URB2: variants seen among roughly 807,000 people sequenced by gnomAD.
URB2 encodes URB2 ribosome biogenesis homolog.
In URB2, 86 loss-of-function variants were observed where a neutral mutation model predicts 120.9. The observed-to-expected ratio is 0.71, with a 90% confidence interval of 0.60 to 0.85. The LOEUF (loss-of-function observed/expected upper bound fraction) is 0.85, where lower values mean the gene tolerates loss of function less well. Among genes scored for constraint, URB2 ranks in the 40% least tolerant of loss-of-function variants. The probability of loss-of-function intolerance (pLI) is 0.00; values close to 1 mark genes in which losing one functional copy is unlikely to be tolerated. For synonymous variants in URB2, 755 were observed against 758.4 expected (o/e 1.00, Z 0.07); for missense variants, 1,765 against 1,836.5 (o/e 0.96, Z 0.71).
At position 229,659,088 on chromosome 1, in the gene URB2, C is replaced by T; in HGVS notation, c.4378-12C>T. On this transcript the variant is annotated splice_polypyrimidine_tract_variant and intron_variant, in intron 9 of 9. Transcript: ENST00000258243. ...CCCAATTGTTCTCACAGAGGTTTGCCTTTTTCCTCAGGTGACCTTATATCC... is the reference window on the plus strand; with the variant it reads ...CCCAATTGTTCTCACAGAGGTTTGCTTTTTTCCTCAGGTGACCTTATATCC... 6.2e-7 allele frequency: 1 copy of T among 1,607,590 alleles called. No homozygotes were observed. Among genetic ancestry groups the T allele is most frequent in the Non-Finnish European group, 8.5e-7 (1 of 1,176,242 alleles).
chr1:229,645,505 C>T (rs982203247), intron 5 of URB2, among the ~76,000 whole-genome samples: 3 of 152,146 alleles, frequency 2.0e-5, no homozygotes, highest in African/African-American at 7.2e-5. Context: ...GTGTCCTCTG[C>T]GTGGACAGAG....
rs1485797903 is a variant in URB2, at chr1:229,651,316, G to A, written c.4231G>A (p.Asp1411Asn). Residue 1411 changes from aspartate (D) to asparagine (N), a missense_variant, in exon 8 of 10, where the codon GAC becomes AAC. By Grantham distance (23) the Asp-to-Asn change is conservative (BLOSUM62 1). Transcript: ENST00000258243. ...AGTTATGCGGGAAGGGCGGCAGAAG[G>A]ACAAAGGTAATTTGGAGTAACATCA... Reference protein sequence around the residue: ...FSVMREGRQKDKGSIDDLPTV... With the variant: ...FSVMREGRQKNKGSIDDLPTV... The A allele has an allele frequency of 2.5e-6, 4 of 1,611,030 alleles. No individual in the cohort carries two copies. The South Asian group carries it at 4.4e-5, about 18-fold the overall frequency.
chr1:229,633,262 A>G (rs1032814484), intron 3 of URB2, among the ~76,000 whole-genome samples: 2 of 152,346 alleles, frequency 1.3e-5, no homozygotes, highest in South Asian at 4.1e-4. Flanking sequence ...TTGTGTTCCA[A>G]ACTGGGTCAC....
Position 229,636,719 on chromosome 1 carries a change from C to G in URB2, c.2106C>G (p.Cys702Trp). The G allele has an allele frequency of 6.2e-7, 1 of 1,613,284 alleles. No homozygotes were observed. The highest frequency in any genetic ancestry group is 8.5e-7 in the Non-Finnish European group (1 of 1,179,660). ...AAGGAGCCATCCAAAGTTTGAGGTG[C>G]GATGCTGCCTTTATTATTGGTTCCG... The part of the protein sequence containing the change: ...RSEGAIQSLR[C>W]DAAFIIGSGR... Residue 702 changes from cysteine to tryptophan, a missense_variant, in exon 4 of 10, where the codon TGC (cysteine) becomes TGG (tryptophan). Physicochemically the swap from Cys to Trp is radical, Grantham distance 215. Transcript: ENST00000258243.
In URB2 at chr1:229,645,976, A is replaced by G. The variant is rs775092233; in HGVS notation, c.3906+7A>G. On this transcript the variant is annotated splice_region_variant and intron_variant, in intron 6 of 9. Coordinates refer to ENST00000258243, the MANE Select transcript of URB2 (RefSeq NM_014777.4). ...GATAGTCACAGCTTTAACAGTGAGT[A>G]CCCTCTGGAGATGTGTCCTCTAGCT... The G allele has an allele frequency of 1.1e-5, 18 of 1,613,550 alleles. No individual in the cohort carries two copies. In the South Asian group the frequency reaches 2.0e-4, roughly 18 times the overall value.
rs41310553 is a variant in URB2 at position 229,651,308 on chromosome 1, G to A, written c.4223G>A (p.Arg1408Gln). 0.016 allele frequency: 25,010 copies of A among 1,611,440 alleles called. 256 individuals carry two copies. The highest frequency in any genetic ancestry group is 0.032 in the Middle Eastern group (191 of 6,046). Reference sequence around the variant, plus strand: ...GTGTTTTCAGTTATGCGGGAAGGGCGGCAGAAGGACAAAGGTAATTTGGAG... The same window carrying A: ...GTGTTTTCAGTTATGCGGGAAGGGCAGCAGAAGGACAAAGGTAATTTGGAG... ...RLVFSVMREGRQKDKGSIDDL... is the reference protein window; with the variant it reads ...RLVFSVMREGQQKDKGSIDDL... The change falls in exon 8 of 10, where the codon CGG (arginine) becomes CAG (glutamine). Residue 1408 changes from arginine (R) to glutamine (Q), a missense_variant. Transcript: ENST00000258243.
chr1:229,636,538 C>T lies in URB2; in HGVS notation c.1925C>T (p.Ser642Leu), dbSNP rs115230066. ...CTTATAGGTGTTGCTCTGGAGATCT[C>T]GAACCTCCCTTCGTTGCTCCCAGGT... ...GPLIGVALEI[S>L]NLPSLLPGVK... The change falls in exon 4 of 10, where the codon TCG becomes TTG. Residue 642 changes from serine (S) to leucine (L), a missense_variant. Physicochemically the swap from Ser to Leu is moderately radical, Grantham distance 145. Transcript: ENST00000258243. 384 of 1,614,140 alleles carry T rather than the reference C, an allele frequency of 2.4e-4. 2 individuals carry two copies. Among genetic ancestry groups the T allele is most frequent in the African/African-American group, 2.2e-3 (167 of 75,052 alleles).
intron 4 of URB2, among the ~76,000 whole-genome samples, chr1:229,640,090 A>G (rs1373369842): frequency 6.6e-6 from 1 of 152,214 alleles, no homozygotes; most frequent in Non-Finnish European, 1.5e-5. Flanking sequence ...AAATTAAAAT[A>G]ATTATTGTAT....
At chr1:229,626,400 C>T (rs544702125) in intron 1 of URB2, 44 bp downstream of exon 1, 4 of 153,034 alleles carry the variant, frequency 2.6e-5, no homozygotes, top group African/African-American at 9.6e-5. Context: ...CAGCCAGGTC[C>T]CGAGGTGAGT....
intron 9 of URB2, among the ~76,000 whole-genome samples, chr1:229,654,599 C>T (rs994655636): frequency 6.6e-6 from 1 of 152,140 alleles, no homozygotes; most frequent in African/African-American, 2.4e-5. Context: ...CTCAAATGTT[C>T]CTCCCGCCTC....
Position 229,647,629 on chromosome 1 carries a change from C to CGTCA in URB2, c.4028_4031dup (p.Leu1345GlnfsTer40). ...AGGAGGCCATCGGCAACCCCCACCA[C>CGTCA]GTCAGCCTGGCCTTCAGCATCCTTC... On this transcript the variant is annotated frameshift_variant, in exon 7 of 10. Transcript: ENST00000258243. LOFTEE classifies it high-confidence loss of function. 2 of 1,614,186 alleles carry CGTCA rather than the reference C, an allele frequency of 1.2e-6. No homozygotes were observed. The highest frequency in any genetic ancestry group is 1.7e-5 in the Admixed American group (1 of 60,024).
chr1:229,656,904 C>T (rs1333167595), intron 9 of URB2, among the ~76,000 whole-genome samples: 3 of 152,114 alleles, frequency 2.0e-5, no homozygotes, highest in African/African-American at 7.2e-5. Context: ...GGGCTGTGTC[C>T]CAATAAAGCC....
intron 4 of URB2, among the ~76,000 whole-genome samples, chr1:229,641,993 G>T (rs1666023970): frequency 6.6e-6 from 1 of 152,144 alleles, no homozygotes; most frequent in Non-Finnish European, 1.5e-5. Context: ...CTGGGTGATG[G>T]AGTGAGACCC....
chr1:229,659,805 A>G lies in URB2; in HGVS notation c.*508A>G, dbSNP rs1666480652. 1 of 153,710 alleles carries G rather than the reference A, an allele frequency of 6.5e-6. No homozygotes were observed. Among genetic ancestry groups the G allele is most frequent in the Admixed American group, 6.4e-5 (1 of 15,578 alleles). 9.5% of individuals were successfully genotyped at this position (153,710 alleles called of 1,614,324 possible). On this transcript the variant is annotated 3_prime_UTR_variant, in exon 10 of 10. Transcript: ENST00000258243. The stretch of plus-strand genomic sequence containing the variant: ...CTTTCTGAAGAAGTCAGGGAAAGTT[A>G]GAGTCTGTGGCCTGAGGTGTCTGCT...
chr1:229,647,173 T>G (rs1369070188), intron 6 of URB2, among the ~76,000 whole-genome samples: 1 of 152,120 alleles, frequency 6.6e-6, no homozygotes, highest in African/African-American at 2.4e-5. Context: ...AGCAGAACAG[T>G]GAGCATTGTG....
rs1490322548 is a variant in URB2, at chr1:229,636,685, T to C, written c.2072T>C (p.Phe691Ser). 1 of 1,614,200 alleles carries C rather than the reference T, an allele frequency of 6.2e-7. No homozygotes were observed. Among genetic ancestry groups the C allele is most frequent in the East Asian group, 2.2e-5 (1 of 44,882 alleles). Residue 691 changes from phenylalanine to serine, a missense_variant, in exon 4 of 10, where the codon TTC becomes TCC. Transcript: ENST00000258243. Reference sequence around the variant, plus strand: ...AAAAGGACTTTAATGCAAACTAGTTTCCGGTCTGAAGGAGCCATCCAAAGT... The same window carrying C: ...AAAAGGACTTTAATGCAAACTAGTTCCCGGTCTGAAGGAGCCATCCAAAGT... ...KMKRTLMQTS[F>S]RSEGAIQSLR...
At chr1:229,639,318 G>T (rs991558146) in intron 4 of URB2, among the ~76,000 whole-genome samples, 3 of 150,230 alleles carry the variant, frequency 2.0e-5, no homozygotes, top group African/African-American at 7.3e-5. Context: ...ATTAAAAAAA[G>T]TACAAATCAC....
chr1:229,647,580 T>C lies in URB2; in HGVS notation c.3977T>C (p.Leu1326Pro), dbSNP rs1337369424. The change falls in exon 7 of 10, where the codon CTG becomes CCG. Residue 1326 changes from leucine to proline, a missense_variant. By Grantham distance (98) the Leu-to-Pro change is moderately conservative. Transcript: ENST00000258243. ...LTVVGPVLDV[L>P]AALLRQGEEA... ...GTGGTCGGGCCTGTCTTAGATGTCC[T>C]GGCTGCACTGCTGCGGCAGGGGGAG... 2 of 1,614,246 alleles carry C rather than the reference T, an allele frequency of 1.2e-6. No homozygotes were observed. The highest frequency in any genetic ancestry group is 1.7e-6 in the Non-Finnish European group (2 of 1,180,036).
chr1:229,659,521 T>C lies in URB2; in HGVS notation c.*224T>C. 1 of 416,050 alleles carries C rather than the reference T, an allele frequency of 2.4e-6. No individual in the cohort carries two copies. The highest frequency in any genetic ancestry group is 2.0e-5 in the African/African-American group (1 of 50,388). 25.8% of individuals were successfully genotyped at this position (416,050 alleles called of 1,614,324 possible). On this transcript the variant is annotated 3_prime_UTR_variant, in exon 10 of 10. Coordinates refer to ENST00000258243, the MANE Select transcript of URB2 (RefSeq NM_014777.4). ...TGCAGTAAGTATTGCAATAGAATCC[T>C]GAAAATTGACCCTGGGATGAGATTA...
Sources: gnomAD v4.1 joint callset for allele counts (sites outside exome capture counted in the v4.1 genomes callset) on GRCh38, gnomAD v4.1.1 for gene constraint, MANE v1.5 for transcripts, NCBI Gene and HGNC (gene_info 2026-07-23, HGNC 2026-07-21) for gene names.